The following DRC8 variants were observed in gnomAD, a reference collection of about 807,000 sequenced individuals.
DRC8 encodes the protein dynein regulatory complex subunit 8, also known as dynein regulatory complex protein 8.
the DRC8 span, among the ~76,000 whole-genome samples, chr1:245,098,369 T>G: frequency 6.6e-6 from 1 of 151,766 alleles, no homozygotes; most frequent in African/African-American, 2.4e-5. Flanking sequence ...CTGGATGGGA[T>G]CCCCTAAAGA....
At chr1:245,062,042 G>A in the DRC8 span, among the ~76,000 whole-genome samples, 1 of 152,154 alleles carries the variant, frequency 6.6e-6, no homozygotes, top group Non-Finnish European at 1.5e-5. Context: ...GGAGGCAGAG[G>A]TTGCAATGAG....
At chr1:245,048,505 GCTTAT>G in the DRC8 span, among the ~76,000 whole-genome samples, 4 of 151,688 alleles carry the variant, frequency 2.6e-5, no homozygotes, top group African/African-American at 9.7e-5. Flanking sequence ...AGTGAAATGT[GCTTAT>G]CTTGTTTTTT....
the DRC8 span, among the ~76,000 whole-genome samples, chr1:245,114,946 G>A: frequency 1.5e-4 from 23 of 152,066 alleles, no homozygotes; most frequent in Non-Finnish European, 1.5e-4. Flanking sequence ...GGATGGTCTC[G>A]ATCTCGTGAC....
At chr1:245,052,895 C>A in the DRC8 span, among the ~76,000 whole-genome samples, 6 of 152,222 alleles carry the variant, frequency 3.9e-5, no homozygotes, top group Non-Finnish European at 7.3e-5. Flanking sequence ...CCTTGTACTA[C>A]ACAGAGGACA....
chr1:245,100,247 T>C, the DRC8 span, among the ~76,000 whole-genome samples: 2 of 151,960 alleles, frequency 1.3e-5, no homozygotes, highest in African/African-American at 4.8e-5. Context: ...TAGCTGGACA[T>C]AGCGGCATGT....
At chr1:244,970,583 A>C in the DRC8 span, 1 of 1,073,518 alleles carries the variant, frequency 9.3e-7, no homozygotes. Flanking sequence ...GGAGGGGGCC[A>C]CCCGGCAGCA....
At chr1:244,972,079 A>G in the DRC8 span, among the ~76,000 whole-genome samples, 3 of 152,212 alleles carry the variant, frequency 2.0e-5, no homozygotes, top group African/African-American at 7.2e-5. Context: ...TATGGTACAA[A>G]TACAGTATTT....
chr1:245,108,959 T>C, the DRC8 span, among the ~76,000 whole-genome samples: 2 of 152,202 alleles, frequency 1.3e-5, no homozygotes, highest in East Asian at 3.9e-4. Context: ...AAGCAGAACC[T>C]GAAACGAGGA....
the DRC8 span, among the ~76,000 whole-genome samples, chr1:245,034,330 G>T: frequency 6.6e-6 from 1 of 152,138 alleles, no homozygotes; most frequent in Non-Finnish European, 1.5e-5. Flanking sequence ...GATGGGCGCA[G>T]TGGCTCATGC....
chr1:244,983,520 A>C, the DRC8 span, among the ~76,000 whole-genome samples: 3 of 152,084 alleles, frequency 2.0e-5, no homozygotes, highest in Admixed American at 2.0e-4. Context: ...TGGGCGGACC[A>C]CTTGAGGTCA....
At chr1:244,973,441 A>G in the DRC8 span, among the ~76,000 whole-genome samples, 1 of 152,234 alleles carries the variant, frequency 6.6e-6, no homozygotes, top group Non-Finnish European at 1.5e-5. Flanking sequence ...GGTAATCAAT[A>G]AATATTTGTT....
At chr1:245,005,885 G>A in the DRC8 span, among the ~76,000 whole-genome samples, 1 of 152,168 alleles carries the variant, frequency 6.6e-6, no homozygotes, top group South Asian at 2.1e-4. Flanking sequence ...AGCCAGGAAG[G>A]AGGAGAGCAA....
At chr1:245,098,736 GTC>G in the DRC8 span, among the ~76,000 whole-genome samples, 1 of 152,176 alleles carries the variant, frequency 6.6e-6, no homozygotes, top group African/African-American at 2.4e-5. Context: ...GTTTCTCAGT[GTC>G]TCTGAAATTC....
the DRC8 span, among the ~76,000 whole-genome samples, chr1:245,041,930 G>A: frequency 1.3e-5 from 2 of 152,152 alleles, no homozygotes; most frequent in Non-Finnish European, 2.9e-5. Flanking sequence ...TCTGGCCTCC[G>A]GAACCGAGAA....
At chr1:244,971,451 ATGT>A in the DRC8 span, among the ~76,000 whole-genome samples, 2 of 152,226 alleles carry the variant, frequency 1.3e-5, no homozygotes, top group Non-Finnish European at 1.5e-5. Context: ...AAGACCGTTC[ATGT>A]TGTTTTCAGT....
the DRC8 span, among the ~76,000 whole-genome samples, chr1:245,093,822 G>A: frequency 6.6e-6 from 1 of 152,156 alleles, no homozygotes; most frequent in Non-Finnish European, 1.5e-5. Flanking sequence ...ATCGGGCCAT[G>A]GTTTTATATG....
the DRC8 span, among the ~76,000 whole-genome samples, chr1:245,097,190 A>G: frequency 6.6e-6 from 1 of 152,180 alleles, no homozygotes; most frequent in Non-Finnish European, 1.5e-5. This position sits in a 1 kb window ranked among gnomAD's most constrained non-coding sequence, Gnocchi z 5.0. Flanking sequence ...TTCATTCAAT[A>G]AAATATTTAA....
At chr1:245,022,304 C>G in the DRC8 span, among the ~76,000 whole-genome samples, 1 of 151,588 alleles carries the variant, frequency 6.6e-6, no homozygotes. Flanking sequence ...CAGGTGTGTG[C>G]CACCACCCCC....
the DRC8 span, among the ~76,000 whole-genome samples, chr1:245,000,558 A>C: frequency 1.4e-4 from 22 of 152,120 alleles, no homozygotes; most frequent in African/African-American, 5.3e-4. Flanking sequence ...AGGCAGGCAG[A>C]TCATGAGGTC....
Sources: allele counts gnomAD v4.1 joint callset (sites outside exome capture counted in the v4.1 genomes callset), GRCh38; gene constraint gnomAD v4.1.1; non-coding constraint Gnocchi (gnomAD v3.1); transcripts MANE v1.5; gene names NCBI Gene and HGNC (gene_info 2026-07-23, HGNC 2026-07-21).